The following SPAG16 variants were observed in gnomAD, a reference collection of about 807,000 sequenced individuals.
The protein encoded by SPAG16 is sperm associated antigen 16.
A neutral mutation model predicts 80.4 loss-of-function variants in SPAG16; 86 were observed. The observed-to-expected ratio is 1.07, with a 90% CI of 0.90 to 1.28. SPAG16 has a LOEUF of 1.28. Ranked by LOEUF, SPAG16 falls within the 50% of genes most tolerant of loss-of-function variation. The probability of loss-of-function intolerance (pLI) is 0.00; values close to 1 mark genes in which losing one functional copy is unlikely to be tolerated. For missense variants in SPAG16, 870 were observed against 765.3 expected (o/e 1.14, Z -1.61); for synonymous variants, 294 against 265.9 (o/e 1.11, Z -1.03).
At chr2:213,777,237 A>ATTC (rs2069648926) in intron 10 of SPAG16, among the ~76,000 whole-genome samples, 5 of 82,702 alleles carry the variant, frequency 6.0e-5, no homozygotes, top group African/African-American at 2.4e-4. Context: ...GTTTGTAGGA[A>ATTC]TTTTTTTTTT....
intron 15 of SPAG16, among the ~76,000 whole-genome samples, chr2:214,270,560 A>G (rs1485016902): frequency 2.0e-5 from 3 of 152,124 alleles, no homozygotes; most frequent in Non-Finnish European, 4.4e-5. Context: ...TCCTGACTAC[A>G]TGTCCAACTT....
At chr2:214,055,483 G>T (rs2049888970) in intron 13 of SPAG16, among the ~76,000 whole-genome samples, 3 of 151,998 alleles carry the variant, frequency 2.0e-5, no homozygotes, top group African/African-American at 7.2e-5. Flanking sequence ...TGTCAAAAAT[G>T]AAACGCATGC....
chr2:214,165,073 TTTGATG>T (rs2056592508), intron 15 of SPAG16, among the ~76,000 whole-genome samples: 1 of 152,154 alleles, frequency 6.6e-6, no homozygotes, highest in Non-Finnish European at 1.5e-5. Flanking sequence ...ATGTAGACAT[TTTGATG>T]TTGATAACAT....
In SPAG16 at chr2:214,014,079, T is replaced by A; in HGVS notation, c.1527+2T>A. The A allele has an allele frequency of 6.2e-7, 1 of 1,611,938 alleles. No individual in the cohort carries two copies. The highest frequency in any genetic ancestry group is 1.3e-5 in the African/African-American group (1 of 75,010). On this transcript the variant is annotated splice_donor_variant, in intron 13 of 15. Transcript: ENST00000331683. LOFTEE classifies it high-confidence loss of function. Reference sequence around the variant, plus strand: ...CTGTCTATATGGGATGCAAGAACAGTAAGCAAATCATTCACTTTTTTTCCC... The same window carrying A: ...CTGTCTATATGGGATGCAAGAACAGAAAGCAAATCATTCACTTTTTTTCCC...
chr2:213,482,852 T>G (rs2073817156), intron 9 of SPAG16, among the ~76,000 whole-genome samples: 1 of 152,142 alleles, frequency 6.6e-6, no homozygotes, highest in South Asian at 2.1e-4. Context: ...TTAAGTTAAT[T>G]TGCTTATATT....
chr2:213,297,764 T>A (rs1045141243), intron 3 of SPAG16, among the ~76,000 whole-genome samples: 1 of 152,194 alleles, frequency 6.6e-6, no homozygotes, highest in African/African-American at 2.4e-5. Context: ...GGCTTTCTTG[T>A]GAGGCTTATG....
chr2:213,541,372 A>C (rs1303453715), intron 10 of SPAG16, among the ~76,000 whole-genome samples: 1 of 152,182 alleles, frequency 6.6e-6, no homozygotes, highest in African/African-American at 2.4e-5. Flanking sequence ...TAATCCTAGC[A>C]CTTTGGGAGG....
intron 10 of SPAG16, among the ~76,000 whole-genome samples, chr2:213,607,478 A>G (rs2125002704): frequency 6.6e-6 from 1 of 152,312 alleles, no homozygotes; most frequent in Middle Eastern, 3.4e-3. Flanking sequence ...CACTCACAGC[A>G]CCTGTGTTAG....
rs1697835171 is a variant in SPAG16, at chr2:214,343,364, A to T, written c.1721-66776A>T. Reference sequence around the variant, plus strand: ...AGGTGTTAGAAGACCTACTTTTAATAATAGATCTTTCTATATTATTTTATT... The same window carrying T: ...AGGTGTTAGAAGACCTACTTTTAATTATAGATCTTTCTATATTATTTTATT... On this transcript the variant is annotated intron_variant, in intron 15 of 15. Coordinates refer to ENST00000331683, the MANE Select transcript of SPAG16 (RefSeq NM_024532.5). 2.6e-5 allele frequency among the ~76,000 whole-genome samples: 4 copies of T among 152,176 alleles called. No individual in the cohort carries two copies. The South Asian group carries it at 8.3e-4, about 31-fold the overall frequency.
At chr2:213,994,638 A>C (rs2046432708) in intron 12 of SPAG16, among the ~76,000 whole-genome samples, 1 of 145,502 alleles carries the variant, frequency 6.9e-6, no homozygotes, top group Admixed American at 7.0e-5. Context: ...TTCTGTTTCC[A>C]TTCACTGGAT....
At chr2:213,755,314 G>C (rs538141056) in intron 10 of SPAG16, among the ~76,000 whole-genome samples, 4 of 152,186 alleles carry the variant, frequency 2.6e-5, no homozygotes, top group African/African-American at 9.6e-5. Flanking sequence ...TTCAAGTTAA[G>C]TATTTTAAAA....
chr2:214,199,781 A>G (rs2057956281), intron 15 of SPAG16, among the ~76,000 whole-genome samples: 1 of 152,122 alleles, frequency 6.6e-6, no homozygotes, highest in African/African-American at 2.4e-5. Flanking sequence ...TTCTTTGAGT[A>G]GCGTTTTGTA....
At chr2:214,271,677 G>C (rs1019436972) in intron 15 of SPAG16, among the ~76,000 whole-genome samples, 32 of 152,178 alleles carry the variant, frequency 2.1e-4, no homozygotes, top group African/African-American at 7.2e-4. Context: ...GTGGGTGCCT[G>C]TAATCCCAGC....
chr2:213,857,008 TCA>T (rs2075201987), intron 10 of SPAG16, among the ~76,000 whole-genome samples: 1 of 152,060 alleles, frequency 6.6e-6, no homozygotes, highest in South Asian at 2.1e-4. Context: ...GGAGGATGGG[TCA>T]CCTAAAGTCA....
intron 9 of SPAG16, among the ~76,000 whole-genome samples, chr2:213,405,526 A>T (rs1410283814): frequency 6.6e-6 from 1 of 152,230 alleles, no homozygotes; most frequent in Non-Finnish European, 1.5e-5. Context: ...ACAATAAATT[A>T]TCACAAACTA....
intron 14 of SPAG16, among the ~76,000 whole-genome samples, chr2:214,136,306 A>G (rs1367992111): frequency 1.3e-5 from 2 of 152,180 alleles, no homozygotes; most frequent in Admixed American, 6.5e-5. Flanking sequence ...CAGGTTTTCA[A>G]TTCCGAGCCT....
rs779414295 is a variant in SPAG16, at chr2:214,404,851, ATGAG to A, written c.1721-5286_1721-5283del. 3.1e-4 allele frequency among the ~76,000 whole-genome samples: 47 copies of A among 152,258 alleles called. 1 individual carries two copies. The highest frequency in any genetic ancestry group is 6.8e-3 in the Middle Eastern group (2 of 294). On this transcript the variant is annotated intron_variant, in intron 15 of 15. Coordinates refer to ENST00000331683, the MANE Select transcript of SPAG16 (RefSeq NM_024532.5). ...CTGGAGATATGGGAAGGGATGTAAAATGAGTGTTTTTAGTTATCGGGTACAATTT... is the reference window on the plus strand; with the variant it reads ...CTGGAGATATGGGAAGGGATGTAAAATGTTTTTAGTTATCGGGTACAATTT...
At chr2:213,328,586 T>C (rs2063941858) in intron 5 of SPAG16, among the ~76,000 whole-genome samples, 1 of 152,184 alleles carries the variant, frequency 6.6e-6, no homozygotes, top group Non-Finnish European at 1.5e-5. Flanking sequence ...CTCAGGGAGA[T>C]GGCAGAGAGT....
intron 13 of SPAG16, among the ~76,000 whole-genome samples, chr2:214,051,575 A>G (rs1448772440): frequency 6.6e-6 from 1 of 152,118 alleles, no homozygotes; most frequent in Non-Finnish European, 1.5e-5. Flanking sequence ...TAAATTATGC[A>G]CTACCCCTGC....
Sources: gnomAD v4.1 joint callset for allele counts (sites outside exome capture counted in the v4.1 genomes callset) on GRCh38, gnomAD v4.1.1 for gene constraint, MANE v1.5 for transcripts, NCBI Gene and HGNC (gene_info 2026-07-23, HGNC 2026-07-21) for gene names.